Variants in GOLIM4 observed in about 807,000 individuals in gnomAD.
GOLIM4 encodes golgi integral membrane protein 4.
GOLIM4 carries 71 observed loss-of-function variants against 107.4 expected under a neutral mutation model. The ratio of observed to expected loss-of-function variants is 0.66; its 90% confidence interval spans 0.55 to 0.81. The LOEUF (loss-of-function observed/expected upper bound fraction) is 0.81, where lower values mean the gene tolerates loss of function less well. GOLIM4 is among the 30% of genes least tolerant of loss of function. GOLIM4 has a pLI of 0.00. For missense variants in GOLIM4, 830 were observed against 826.1 expected, an observed-to-expected ratio of 1.00 and a Z score of -0.06; for synonymous variants, 327 against 294.8, an observed-to-expected ratio of 1.11 and a Z score of -1.12.
chr3:168,070,529 T>C (rs946124944), intron 1 of GOLIM4, among the ~76,000 whole-genome samples: 3 of 152,216 alleles, frequency 2.0e-5, no homozygotes, highest in East Asian at 1.9e-4. Context: ...ATCATTAAAG[T>C]CTCTAAAGTA....
chr3:168,045,673 C>T (rs1042637527), intron 3 of GOLIM4, among the ~76,000 whole-genome samples: 1 of 152,168 alleles, frequency 6.6e-6, no homozygotes, highest in Admixed American at 6.5e-5. Flanking sequence ...CCATATCCCT[C>T]ACTTTACCCT....
rs1311331099 is a variant in GOLIM4, at chr3:168,009,372, A to C, written c.*897T>G. On this transcript the variant is annotated 3_prime_UTR_variant, in exon 16 of 16. Coordinates refer to ENST00000470487, the MANE Select transcript of GOLIM4 (RefSeq NM_014498.5). ...GAGGCACAGAGCTTAAAGAGGAAAT[A>C]TATATTACTTATAGGGAACCAGACA... 13 of 144,478 alleles carry C rather than the reference A, an allele frequency of 9.0e-5. 1 individual carries two copies. The highest frequency in any genetic ancestry group is 8.7e-4 in the Admixed American group (12 of 13,752). The allele number at this position is 144,478 out of a possible 1,614,324, so 8.9% of individuals were successfully genotyped here.
intron 14 of GOLIM4, among the ~76,000 whole-genome samples, chr3:168,019,990 T>C (rs1717594559): frequency 6.6e-6 from 1 of 152,126 alleles, no homozygotes; most frequent in Non-Finnish European, 1.5e-5. Context: ...CATTGTTCTG[T>C]CTATATTCAC....
At chr3:168,069,105 T>A (rs929755933) in intron 1 of GOLIM4, among the ~76,000 whole-genome samples, 6 of 152,176 alleles carry the variant, frequency 3.9e-5, no homozygotes, top group Non-Finnish European at 8.8e-5. Flanking sequence ...ACTGCTGGGA[T>A]TACAGGTGTG....
intron 1 of GOLIM4, among the ~76,000 whole-genome samples, chr3:168,053,669 G>C (rs1238441939): frequency 1.3e-5 from 2 of 152,156 alleles, no homozygotes; most frequent in African/African-American, 4.8e-5. Flanking sequence ...TAGAAATTAA[G>C]AGCCTTTATG....
At chr3:168,054,487 C>T (rs980535744) in intron 1 of GOLIM4, among the ~76,000 whole-genome samples, 7 of 152,206 alleles carry the variant, frequency 4.6e-5, no homozygotes, top group Admixed American at 6.5e-5. Context: ...TAGAAAGATG[C>T]GTTCACACCC....
Position 168,027,756 on chromosome 3 carries a change from C to T in GOLIM4, c.1595G>A (p.Arg532Gln), listed in dbSNP as rs149807288. 1.2e-5 allele frequency: 20 copies of T among 1,611,636 alleles called. No individual in the cohort carries two copies. The East Asian group carries it at 1.6e-4, about 13-fold the overall frequency. The change falls in exon 12 of 16, where the codon CGA (arginine) becomes CAA (glutamine). Residue 532 changes from arginine to glutamine, a missense_variant. Physicochemically the swap from Arg to Gln is conservative, Grantham distance 43. Transcript: ENST00000470487. ...TGCCTCAGATTCTGGGTCGGCTTCT[C>T]GGGGTCCTTGTTCACGAGGCTCATG... ...NRHEPREQGPREADPESEADR... is the reference protein window; with the variant it reads ...NRHEPREQGPQEADPESEADR...
intron 1 of GOLIM4, among the ~76,000 whole-genome samples, chr3:168,063,723 G>T (rs1437057219): frequency 2.2e-5 from 3 of 136,630 alleles, no homozygotes; most frequent in South Asian, 2.9e-4. Flanking sequence ...GCAGGGGAGT[G>T]GGGGAGGGGG....
At chr3:168,028,635 G>A (rs116490458) in intron 11 of GOLIM4, among the ~76,000 whole-genome samples, 1,543 of 152,210 alleles carry the variant, frequency 0.01, 15 homozygotes, top group Admixed American at 0.014. Context: ...GCCACATGGC[G>A]GACATAAGGA....
chr3:168,090,128 A>G (rs957076720), intron 1 of GOLIM4, among the ~76,000 whole-genome samples: 13 of 152,186 alleles, frequency 8.5e-5, no homozygotes, highest in Non-Finnish European at 1.6e-4. Context: ...AACCAATGAC[A>G]AGATGTATTC....
chr3:168,050,261 T>C (rs1560090045), intron 1 of GOLIM4, among the ~76,000 whole-genome samples: 1 of 151,990 alleles, frequency 6.6e-6, no homozygotes, highest in African/African-American at 2.4e-5. Flanking sequence ...AGTCCACTGC[T>C]AAAAAGTAAT....
Position 168,010,196 on chromosome 3 carries a change from C to T in GOLIM4, c.*73G>A, listed in dbSNP as rs887741034. The T allele has an allele frequency of 3.7e-6, 5 of 1,353,768 alleles. No individual in the cohort carries two copies. In the African/African-American group the frequency reaches 7.3e-5, roughly 20 times the overall value. The allele number at this position is 1,353,768 out of a possible 1,614,324, so 83.9% of individuals were successfully genotyped here. A position where few individuals can be genotyped will look rare whatever the true frequency, so the allele number is the denominator to read the frequency against. On this transcript the variant is annotated 3_prime_UTR_variant, in exon 16 of 16. Transcript: ENST00000470487. ...TTTTGTAATTAAATATCCTAGAGTT[C>T]AGTAGGCAGATTTATGTTTGAGCAG... is the stretch of plus-strand genomic sequence containing the variant.
chr3:168,068,386 A>C (rs975527013), intron 1 of GOLIM4, among the ~76,000 whole-genome samples: 2 of 152,128 alleles, frequency 1.3e-5, no homozygotes, highest in South Asian at 2.1e-4. Context: ...TAAAAAAAAA[A>C]TCTCTTAAAA....
chr3:168,042,300 C>T (rs1719060239), intron 5 of GOLIM4, among the ~76,000 whole-genome samples: 1 of 151,980 alleles, frequency 6.6e-6, no homozygotes, highest in Non-Finnish European at 1.5e-5. Context: ...GTGCAATGCC[C>T]CAGCAATGCA....
intron 14 of GOLIM4, among the ~76,000 whole-genome samples, chr3:168,020,712 T>G (rs934541855): frequency 2.6e-5 from 4 of 152,208 alleles, no homozygotes; most frequent in Middle Eastern, 3.2e-3. Flanking sequence ...TTTTGTAATT[T>G]TCCACACATA....
chr3:168,053,179 A>T (rs142723701), intron 1 of GOLIM4, among the ~76,000 whole-genome samples: 20 of 152,354 alleles, frequency 1.3e-4, no homozygotes, highest in African/African-American at 4.8e-4. Context: ...CACACGAGAA[A>T]TCAGCTGTAT....
chr3:168,029,323 A>G, intron 10 of GOLIM4, 21 bp from the exon 11 acceptor site: 6 of 1,524,608 alleles, frequency 3.9e-6, no homozygotes, highest in Non-Finnish European at 5.4e-6. Flanking sequence ...CACAAACATG[A>G]TAAATCCAGT....
At chr3:168,062,908 C>T (rs766228860) in intron 1 of GOLIM4, among the ~76,000 whole-genome samples, 5 of 152,110 alleles carry the variant, frequency 3.3e-5, no homozygotes, top group Admixed American at 1.3e-4. Context: ...AGCTCCAAGG[C>T]GGAGGGAGTG....
At chr3:168,039,913 G>GA (rs748424318) in intron 7 of GOLIM4, among the ~76,000 whole-genome samples, 6 of 152,136 alleles carry the variant, frequency 3.9e-5, no homozygotes, top group Admixed American at 1.3e-4. Flanking sequence ...TTTAGAAAAG[G>GA]AATCTCACAA....
Sources: gnomAD v4.1 joint callset for allele counts (sites outside exome capture counted in the v4.1 genomes callset) on GRCh38, gnomAD v4.1.1 for gene constraint, MANE v1.5 for transcripts, NCBI Gene and HGNC (gene_info 2026-07-23, HGNC 2026-07-21) for gene names.